Variants in ABI3 observed in about 807,000 individuals in gnomAD.
ABI3 encodes the protein ABI family member 3, also known as ABI gene family member 3.
In ABI3, 24 loss-of-function variants were observed where a neutral mutation model predicts 37.0. The ratio of observed to expected loss-of-function variants is 0.65; its 90% confidence interval spans 0.47 to 0.91. The LOEUF is 0.91. Ranked by LOEUF, ABI3 falls within the 40% of genes least tolerant of loss-of-function variation. The probability of loss-of-function intolerance (pLI) is 0.00; values close to 1 mark genes in which losing one functional copy is unlikely to be tolerated. For missense variants in ABI3, 481 were observed against 485.1 expected (o/e 0.99, Z 0.08); for synonymous variants, 220 against 211.8 (o/e 1.04, Z -0.34).
chr17:49,217,174 T>C (rs2143525680), intron 2 of ABI3, among the ~76,000 whole-genome samples: 1 of 152,220 alleles, frequency 6.6e-6, no homozygotes, highest in Non-Finnish European at 1.5e-5. Context: ...ACCGAGGAAT[T>C]GCCCCATAAA....
At chr17:49,220,887 AT>A (rs2043279052) in intron 6 of ABI3, among the ~76,000 whole-genome samples, 1 of 138,142 alleles carries the variant, frequency 7.2e-6, no homozygotes, top group Non-Finnish European at 1.6e-5. Flanking sequence ...AATAATAATA[AT>A]AATAAACTTA....
In ABI3 at chr17:49,223,089, A is replaced by C. The variant is rs2143551279; in HGVS notation, c.*374A>C. 3 of 411,822 alleles carry C rather than the reference A, an allele frequency of 7.3e-6. No individual in the cohort carries two copies. The South Asian group carries it at 3.1e-4, about 43-fold the overall frequency. 25.5% of individuals were successfully genotyped at this position (411,822 alleles called of 1,614,324 possible). A position where few individuals can be genotyped will look rare whatever the true frequency, so the allele number is the denominator to read the frequency against. ...CAGTTCTAAGGCTGCTGCTAATTAC[A>C]GCCCCCAACCTCCAACCCACCAGCT... On this transcript the variant is annotated 3_prime_UTR_variant, in exon 8 of 8. Coordinates refer to ENST00000225941, the MANE Select transcript of ABI3 (RefSeq NM_016428.3).
intron 2 of ABI3, 77 bp from the exon 3 acceptor site, chr17:49,217,662 T>G: frequency 2.1e-6 from 3 of 1,401,476 alleles, no homozygotes; most frequent in South Asian, 1.3e-5. Context: ...AGCCCAGTCT[T>G]TATCTTCTTC....
Position 49,222,599 on chromosome 17 carries a change from TTC to T in ABI3, c.989_990del (p.Ser330Ter). ...YTSQKDNELSFSEGTVICVTR... is the reference protein window; with the variant it reads ...YTSQKDNELSXSEGTVICVTR... ...CAGCCAGAAGGACAATGAGCTCTCC[TTC>T]TCTGAGGGCACTGTCATCTGTGTCA... On this transcript the variant is annotated frameshift_variant, in exon 8 of 8. Coordinates refer to ENST00000225941, the MANE Select transcript of ABI3 (RefSeq NM_016428.3). LOFTEE classifies it high-confidence loss of function. 6.2e-7 allele frequency: 1 copy of T among 1,614,026 alleles called. No homozygotes were observed. Among genetic ancestry groups the T allele is most frequent in the Non-Finnish European group, 8.5e-7 (1 of 1,180,004 alleles).
intron 1 of ABI3, among the ~76,000 whole-genome samples, chr17:49,213,591 G>A (rs1008741757): frequency 6.6e-6 from 1 of 152,158 alleles, no homozygotes; most frequent in Admixed American, 6.6e-5. Flanking sequence ...TTACAGACAC[G>A]GTAATTTGCA....
chr17:49,218,588 T>A (rs2043245899), intron 3 of ABI3, among the ~76,000 whole-genome samples: 1 of 151,010 alleles, frequency 6.6e-6, no homozygotes, highest in Non-Finnish European at 1.5e-5. Flanking sequence ...CCACCAGTAG[T>A]TCTCTGTTGT....
intron 1 of ABI3, among the ~76,000 whole-genome samples, chr17:49,211,667 T>C (rs2043168942): frequency 6.6e-6 from 1 of 152,064 alleles, no homozygotes; most frequent in Non-Finnish European, 1.5e-5. Flanking sequence ...AGGCATTCCT[T>C]TTTTTTCGCT....
chr17:49,218,188 C>A (rs1308552096), intron 3 of ABI3, among the ~76,000 whole-genome samples: 1 of 152,172 alleles, frequency 6.6e-6, no homozygotes, highest in Non-Finnish European at 1.5e-5. Context: ...GGGCACCGGG[C>A]GTGTGGGAAG....
chr17:49,216,345 A>G (rs180767392), intron 1 of ABI3, among the ~76,000 whole-genome samples, 186 bp from the exon 2 acceptor site: 3 of 152,156 alleles, frequency 2.0e-5, no homozygotes, highest in East Asian at 1.9e-4. Flanking sequence ...AAGTGAATTT[A>G]AAGTGATGTT....
intron 1 of ABI3, among the ~76,000 whole-genome samples, chr17:49,212,285 C>T (rs186994972): frequency 2.5e-3 from 387 of 152,244 alleles, no homozygotes; most frequent in Non-Finnish European, 3.8e-3. Flanking sequence ...GCTCTTTCCT[C>T]TCCATCTTTC....
Position 49,213,830 on chromosome 17 carries a change from A to G in ABI3, c.118-2701A>G, listed in dbSNP as rs927453874. 2.0e-5 allele frequency among the ~76,000 whole-genome samples: 3 copies of G among 152,346 alleles called. 1 individual carries two copies. Among genetic ancestry groups the G allele is most frequent in the Admixed American group, 2.0e-4 (3 of 15,304 alleles). On this transcript the variant is annotated intron_variant, in intron 1 of 7. Coordinates refer to ENST00000225941, the MANE Select transcript of ABI3 (RefSeq NM_016428.3). Reference sequence around the variant, plus strand: ...AGCTAAGAAATCTGGGTGGAGATGAAGGAGCAGTCACTGCTCAGTTCTGGG... The same window carrying G: ...AGCTAAGAAATCTGGGTGGAGATGAGGGAGCAGTCACTGCTCAGTTCTGGG...
At chr17:49,213,856 C>T (rs2043194342) in intron 1 of ABI3, among the ~76,000 whole-genome samples, 1 of 152,142 alleles carries the variant, frequency 6.6e-6, no homozygotes, top group Non-Finnish European at 1.5e-5. Flanking sequence ...CAGTTCTGGG[C>T]CTGTTTCCTC....
At position 49,219,063 on chromosome 17, in the gene ABI3, C is replaced by T. The variant is rs2043251382; in HGVS notation, c.463-477C>T. Among the ~76,000 whole-genome samples the T allele has an allele frequency of 6.6e-6, 1 of 152,154 alleles. No homozygotes were observed. Among genetic ancestry groups the T allele is most frequent in the African/African-American group, 2.4e-5 (1 of 41,422 alleles). ...ATGTAGGCGTGCACCCTGTCATTTG[C>T]GCATCCCCTCTAAGTGGCCTGGGTC... On this transcript the variant is annotated intron_variant, in intron 3 of 7. Coordinates refer to ENST00000225941, the MANE Select transcript of ABI3 (RefSeq NM_016428.3). This position sits in a 1 kb window ranked among gnomAD's most constrained non-coding sequence, Gnocchi z 4.3.
intron 1 of ABI3, among the ~76,000 whole-genome samples, chr17:49,214,211 G>T (rs1394888654): frequency 6.6e-6 from 1 of 152,190 alleles, no homozygotes; most frequent in Non-Finnish European, 1.5e-5. Context: ...CTCAAGCAAG[G>T]GGACCCCAGT....
intron 1 of ABI3, among the ~76,000 whole-genome samples, chr17:49,215,425 G>A (rs1462027915): frequency 6.6e-6 from 1 of 152,038 alleles, no homozygotes; most frequent in Non-Finnish European, 1.5e-5. Flanking sequence ...TCTGTTCTGG[G>A]CCTCAGTTTC....
In ABI3 at chr17:49,222,731, T is replaced by C; in HGVS notation, c.*16T>C. Reference sequence around the variant, plus strand: ...CAGCTGCTGACAGCCCAGGGCTCTCTGGGCAGCTGATGTCTGCACTGAGTG... The same window carrying C: ...CAGCTGCTGACAGCCCAGGGCTCTCCGGGCAGCTGATGTCTGCACTGAGTG... On this transcript the variant is annotated 3_prime_UTR_variant, in exon 8 of 8. Coordinates refer to ENST00000225941, the MANE Select transcript of ABI3 (RefSeq NM_016428.3). 1 of 1,549,594 alleles carries C rather than the reference T, an allele frequency of 6.5e-7. No individual in the cohort carries two copies. Among genetic ancestry groups the C allele is most frequent in the African/African-American group, 1.4e-5 (1 of 73,280 alleles).
At chr17:49,220,011 GCCA>G (rs1261407759) in intron 5 of ABI3, 58 bp downstream of exon 5, 3 of 1,526,898 alleles carry the variant, frequency 2.0e-6, no homozygotes, top group Non-Finnish European at 2.6e-6. Context: ...TTTGAGAGGG[GCCA>G]CCTGCCAGTG....
chr17:49,218,279 G>T (rs2043242853), intron 3 of ABI3, among the ~76,000 whole-genome samples: 1 of 152,208 alleles, frequency 6.6e-6, no homozygotes, highest in Admixed American at 6.5e-5. Flanking sequence ...TCCTCTGTCT[G>T]GGGGTTTGAG....
At chr17:49,218,627 G>A (rs2043246570) in intron 3 of ABI3, among the ~76,000 whole-genome samples, 1 of 145,072 alleles carries the variant, frequency 6.9e-6, no homozygotes, top group South Asian at 2.1e-4. Flanking sequence ...TTTTGAGATG[G>A]AGTTTCGCTC....
Sources: allele counts gnomAD v4.1 joint callset (sites outside exome capture counted in the v4.1 genomes callset), GRCh38; gene constraint gnomAD v4.1.1; non-coding constraint Gnocchi (gnomAD v3.1); transcripts MANE v1.5; gene names NCBI Gene and HGNC (gene_info 2026-07-23, HGNC 2026-07-21).